THSD7A: variants seen among roughly 807,000 people sequenced by gnomAD.
The protein encoded by THSD7A is thrombospondin type 1 domain containing 7A.
A neutral mutation model predicts 231.3 loss-of-function variants in THSD7A; 96 were observed. The observed-to-expected ratio is 0.41, with a 90% CI of 0.35 to 0.49. The LOEUF is 0.49. Among genes scored for constraint, THSD7A ranks in the 20% least tolerant of loss-of-function variants. THSD7A has a pLI of 0.05. For missense variants in THSD7A, 2,290 were observed against 2,070.2 expected, an observed-to-expected ratio of 1.11 and a Z score of -2.06; for synonymous variants, 940 against 743.3, an observed-to-expected ratio of 1.26 and a Z score of -4.30.
At chr7:11,659,444 T>G (rs779935250) in intron 1 of THSD7A, among the ~76,000 whole-genome samples, 2 of 151,536 alleles carry the variant, frequency 1.3e-5, no homozygotes, top group Non-Finnish European at 3.0e-5. Context: ...TGTACTTCAC[T>G]CTGTAAACTT....
At chr7:11,819,883 T>C (rs1451425695) in intron 1 of THSD7A, among the ~76,000 whole-genome samples, 1 of 152,178 alleles carries the variant, frequency 6.6e-6, no homozygotes, top group African/African-American at 2.4e-5. Context: ...AGCGCAAGAT[T>C]CTGATAGTAG....
intron 1 of THSD7A, among the ~76,000 whole-genome samples, chr7:11,759,992 G>C (rs1373620074): frequency 6.6e-6 from 1 of 151,992 alleles, no homozygotes; most frequent in Non-Finnish European, 1.5e-5. Flanking sequence ...CTAATATTAA[G>C]TGATACAAAT....
chr7:11,525,864 G>C (rs1047793186), intron 6 of THSD7A, among the ~76,000 whole-genome samples: 1 of 152,110 alleles, frequency 6.6e-6, no homozygotes, highest in Non-Finnish European at 1.5e-5. Flanking sequence ...GGATATACAT[G>C]TCCACATTCT....
intron 9 of THSD7A, among the ~76,000 whole-genome samples, chr7:11,463,883 C>A (rs1452385504): frequency 6.6e-6 from 1 of 152,018 alleles, no homozygotes; most frequent in Non-Finnish European, 1.5e-5. Flanking sequence ...ATTTTAAGGC[C>A]CAGGTGATAA....
chr7:11,820,501 T>C, intron 1 of THSD7A: 1 of 913,144 alleles, frequency 1.1e-6, no homozygotes, highest in Non-Finnish European at 1.6e-6. Flanking sequence ...TTCTTGCTTT[T>C]GGGTGTGTAA....
At chr7:11,758,056 A>C (rs1433776589) in intron 1 of THSD7A, among the ~76,000 whole-genome samples, 1 of 148,670 alleles carries the variant, frequency 6.7e-6, no homozygotes, top group Non-Finnish European at 1.5e-5. Flanking sequence ...CACTTTAATC[A>C]TCACAAAGCC....
chr7:11,692,090 T>C (rs1584220783), intron 1 of THSD7A, among the ~76,000 whole-genome samples: 1 of 151,392 alleles, frequency 6.6e-6, no homozygotes, highest in Non-Finnish European at 1.5e-5. Context: ...TTGTGTAGGG[T>C]GAGATGGATC....
intron 23 of THSD7A, among the ~76,000 whole-genome samples, chr7:11,395,801 C>A (rs1285562421): frequency 6.6e-6 from 1 of 152,146 alleles, no homozygotes; most frequent in Non-Finnish European, 1.5e-5. Context: ...GCTGGGATTA[C>A]AGGCATGAGC....
chr7:11,531,399 G>C (rs1788702651), intron 6 of THSD7A, among the ~76,000 whole-genome samples: 1 of 152,090 alleles, frequency 6.6e-6, no homozygotes, highest in Admixed American at 6.6e-5. Context: ...ATCTTAGTCA[G>C]AATAAAAGCC....
At chr7:11,766,138 C>CT (rs1160586855) in intron 1 of THSD7A, among the ~76,000 whole-genome samples, 1 of 152,124 alleles carries the variant, frequency 6.6e-6, no homozygotes, top group Non-Finnish European at 1.5e-5. Context: ...GACCTTCTCT[C>CT]ATTATTATTG....
At chr7:11,705,968 A>T (rs1179389313) in intron 1 of THSD7A, among the ~76,000 whole-genome samples, 1 of 150,960 alleles carries the variant, frequency 6.6e-6, no homozygotes, top group African/African-American at 2.4e-5. Context: ...ATAATTATAA[A>T]TAATAGCATT....
chr7:11,625,935 C>A (rs1302223509), intron 2 of THSD7A, among the ~76,000 whole-genome samples: 1 of 152,038 alleles, frequency 6.6e-6, no homozygotes, highest in African/African-American at 2.4e-5. Context: ...AGCAGCAAGG[C>A]TCCCATAGGA....
chr7:11,388,886 G>C lies in THSD7A; in HGVS notation c.4412-6270C>G, dbSNP rs149768518. On this transcript the variant is annotated intron_variant, in intron 23 of 27. Transcript: ENST00000423059. ...TACCCAGTAAGTCATTCAGGAGCAG[G>C]TTGTTCAGTTTCCATGTAGTTGTGC... 7.6e-3 allele frequency among the ~76,000 whole-genome samples: 1,162 copies of C among 152,238 alleles called. 14 individuals carry two copies. Among genetic ancestry groups the C allele is most frequent in the African/African-American group, 0.027 (1,108 of 41,530 alleles).
At chr7:11,587,731 A>G (rs983954521) in intron 4 of THSD7A, among the ~76,000 whole-genome samples, 2 of 152,216 alleles carry the variant, frequency 1.3e-5, no homozygotes, top group Admixed American at 6.5e-5. Context: ...GAATATACCA[A>G]TGAGTAAAAA....
At chr7:11,820,301 C>T (rs758967261) in intron 1 of THSD7A, 3 of 590,386 alleles carry the variant, frequency 5.1e-6, no homozygotes, top group Non-Finnish European at 7.9e-6. Context: ...GCAAGGAATT[C>T]CGTAAAGAGT....
chr7:11,550,374 A>G (rs1417313301), intron 4 of THSD7A, among the ~76,000 whole-genome samples: 1 of 152,122 alleles, frequency 6.6e-6, no homozygotes, highest in Non-Finnish European at 1.5e-5. Context: ...ATGCTCTTGA[A>G]TAGTGACATG....
At position 11,401,877 on chromosome 7, in the gene THSD7A, G is replaced by C. The variant is rs568970643; in HGVS notation, c.4329C>G (p.Val1443=). 17 of 1,613,822 alleles carry C rather than the reference G, an allele frequency of 1.1e-5. No individual in the cohort carries two copies. The South Asian group carries it at 1.9e-4, about 18-fold the overall frequency. Residue 1443 remains valine, a synonymous_variant, in exon 23 of 28, where the codon GTC becomes GTG. Transcript: ENST00000423059. ...GEDLGFGGIQ[V]RSRPVIIQEL... ...CTTGTATAATCACCGGTCTGGATCTGACCTGTATTCCACCAAAGCCTAGAT... is the reference window on the plus strand; with the variant it reads ...CTTGTATAATCACCGGTCTGGATCTCACCTGTATTCCACCAAAGCCTAGAT...
chr7:11,512,331 T>C (rs1464863699), intron 6 of THSD7A, among the ~76,000 whole-genome samples: 1 of 152,154 alleles, frequency 6.6e-6, no homozygotes, highest in Non-Finnish European at 1.5e-5. Flanking sequence ...TTTTACACTG[T>C]TGGTGGGAAT....
intron 11 of THSD7A, among the ~76,000 whole-genome samples, chr7:11,459,252 A>G (rs529934978): frequency 6.6e-6 from 1 of 152,208 alleles, no homozygotes; most frequent in East Asian, 1.9e-4. Flanking sequence ...GATGAGTAAG[A>G]CACACTGTAT....
Sources: gnomAD v4.1 joint callset for allele counts (sites outside exome capture counted in the v4.1 genomes callset) on GRCh38, gnomAD v4.1.1 for gene constraint, MANE v1.5 for transcripts, NCBI Gene and HGNC (gene_info 2026-07-23, HGNC 2026-07-21) for gene names.